PCMT1: variants seen among roughly 807,000 people sequenced by gnomAD.
PCMT1 encodes protein-L-isoaspartate(D-aspartate) O-methyltransferase.
PCMT1 carries 9 observed loss-of-function variants against 29.2 expected under a neutral mutation model. That is an observed-to-expected ratio of 0.31 (90% CI 0.19 to 0.54). PCMT1 has a LOEUF of 0.54. Ranked by LOEUF, PCMT1 falls within the 20% of genes least tolerant of loss-of-function variation. The pLI, the probability that PCMT1 is intolerant of heterozygous loss-of-function variation, is 0.95. For synonymous variants in PCMT1, 98 were observed against 97.5 expected (o/e 1.00, Z -0.03); for missense variants, 184 against 282.2 (o/e 0.65, Z 2.49).
At chr6:149,765,359 C>CAAAAAAAAA in intron 1 of PCMT1, among the ~76,000 whole-genome samples, 1 of 85,666 alleles carries the variant, frequency 1.2e-5, no homozygotes, top group South Asian at 4.1e-4. Context: ...GACTCTGTCT[C>CAAAAAAAAA]AAAAAAAAAA....
intron 7 of PCMT1, among the ~76,000 whole-genome samples, chr6:149,808,123 G>A: frequency 6.6e-6 from 1 of 151,392 alleles, no homozygotes. Flanking sequence ...ATTTATTCTT[G>A]GTAAAGAATG....
At chr6:149,806,304 G>A (rs6914319) in intron 7 of PCMT1, among the ~76,000 whole-genome samples, 81,042 of 151,888 alleles carry the variant, frequency 0.53, 24,808 homozygotes, top group East Asian at 0.83. Flanking sequence ...CATTGAAGTG[G>A]TCAGAATTAC....
At chr6:149,764,161 G>T (rs1478332375) in intron 1 of PCMT1, among the ~76,000 whole-genome samples, 1 of 152,226 alleles carries the variant, frequency 6.6e-6, no homozygotes, top group Non-Finnish European at 1.5e-5. Flanking sequence ...AAATGAATTA[G>T]TAGAACTCAC....
chr6:149,777,149 A>G (rs11965313), intron 3 of PCMT1, among the ~76,000 whole-genome samples: 3,672 of 152,310 alleles, frequency 0.024, 133 homozygotes, highest in African/African-American at 0.083. Context: ...AATGCATTTA[A>G]TATACTTAGC....
At chr6:149,806,693 G>T (rs553408936) in intron 7 of PCMT1, among the ~76,000 whole-genome samples, 5 of 152,172 alleles carry the variant, frequency 3.3e-5, no homozygotes, top group African/African-American at 1.2e-4. Flanking sequence ...GGGCTCAAGC[G>T]ATCCCCCCTG....
intron 3 of PCMT1, among the ~76,000 whole-genome samples, chr6:149,783,314 G>A (rs1324139485): frequency 6.6e-6 from 1 of 151,462 alleles, no homozygotes; most frequent in African/African-American, 2.4e-5. Context: ...TGTAGTTTTA[G>A]TAGAGACGGG....
chr6:149,785,436 T>A (rs1787990893), intron 3 of PCMT1, among the ~76,000 whole-genome samples: 1 of 151,330 alleles, frequency 6.6e-6, no homozygotes, highest in Non-Finnish European at 1.5e-5. Context: ...TATTGATCAT[T>A]CTTGGGTGTT....
At chr6:149,804,467 G>T (rs1446268664) in intron 7 of PCMT1, among the ~76,000 whole-genome samples, 1 of 152,050 alleles carries the variant, frequency 6.6e-6, no homozygotes, top group African/African-American at 2.4e-5. Context: ...CAGAGCCCTT[G>T]CTTGTCTAGG....
Position 149,799,858 on chromosome 6 carries a change from A to C in PCMT1, c.505-2342A>C, listed in dbSNP as rs1279676234. Among the ~76,000 whole-genome samples, 6 of 152,338 alleles carry C rather than the reference A, an allele frequency of 3.9e-5. No homozygotes were observed. In the East Asian group the frequency reaches 1.2e-3, roughly 29 times the overall value. ...TGGATACTTCTTGACTCAGCAGCAA[A>C]TCATAGTTACACAGTCATAACTAGA... is the stretch of plus-strand genomic sequence containing the variant. On this transcript the variant is annotated intron_variant, in intron 6 of 7. Coordinates refer to ENST00000464889, the MANE Select transcript of PCMT1 (RefSeq NM_001360452.2).
In PCMT1 at chr6:149,749,800, G is replaced by A. The variant is rs1158873819; in HGVS notation, c.-102G>A. ...CGGCAGCTACAGCGGGGACGCGAGC[G>A]GGGCGGTGACGGTGTGGGAGGTGGT... is the stretch of plus-strand genomic sequence containing the variant. On this transcript the variant is annotated 5_prime_UTR_variant, in exon 1 of 8. Transcript: ENST00000464889. The A allele has an allele frequency of 1.9e-6, 3 of 1,552,174 alleles. No individual in the cohort carries two copies. Among genetic ancestry groups the A allele is most frequent in the African/African-American group, 1.4e-5 (1 of 73,184 alleles).
intron 3 of PCMT1, among the ~76,000 whole-genome samples, chr6:149,785,899 G>GC (rs1401016052): frequency 6.8e-4 from 104 of 152,122 alleles, no homozygotes; most frequent in African/African-American, 2.0e-3. Context: ...TGTCATCCTG[G>GC]CCCGTTCTCA....
chr6:149,749,699 C>A (rs1187887682), upstream of PCMT1: 2 of 1,490,772 alleles, frequency 1.3e-6, no homozygotes, highest in Non-Finnish European at 1.8e-6. Flanking sequence ...AGCCGCGCGG[C>A]GTCACAGAGC....
chr6:149,766,184 T>C (rs1253936845), intron 1 of PCMT1, among the ~76,000 whole-genome samples: 1 of 152,140 alleles, frequency 6.6e-6, no homozygotes, highest in Non-Finnish European at 1.5e-5. Flanking sequence ...CTTATTTCTG[T>C]CTTTGCTATA....
chr6:149,789,069 T>G (rs1284982130), intron 3 of PCMT1, among the ~76,000 whole-genome samples: 2,834 of 69,550 alleles, frequency 0.041, 97 homozygotes, highest in African/African-American at 0.1. Flanking sequence ...GGATCTGATT[T>G]TTTTTTTTTT....
At chr6:149,805,581 G>C (rs544155176) in intron 7 of PCMT1, among the ~76,000 whole-genome samples, 2 of 151,740 alleles carry the variant, frequency 1.3e-5, no homozygotes, top group South Asian at 2.1e-4. Flanking sequence ...GCAACAGAGC[G>C]AGACTCCGTC....
intron 1 of PCMT1, among the ~76,000 whole-genome samples, chr6:149,758,042 C>T (rs981922856): frequency 1.3e-5 from 2 of 151,804 alleles, no homozygotes; most frequent in Non-Finnish European, 2.9e-5. Flanking sequence ...TGCCACCATA[C>T]CCAGCTAATT....
chr6:149,790,734 C>T (rs1005244295), intron 4 of PCMT1, among the ~76,000 whole-genome samples: 3 of 151,916 alleles, frequency 2.0e-5, no homozygotes, highest in Admixed American at 6.6e-5. Flanking sequence ...AGGGACCAGA[C>T]GCGGTGGCTC....
chr6:149,787,156 C>T (rs921858962), intron 3 of PCMT1, among the ~76,000 whole-genome samples: 31 of 147,036 alleles, frequency 2.1e-4, no homozygotes, highest in Admixed American at 2.7e-4. Flanking sequence ...CGCGCGCCTG[C>T]AATCGCAGGC....
At chr6:149,760,062 C>G (rs1786675666) in intron 1 of PCMT1, among the ~76,000 whole-genome samples, 1 of 152,154 alleles carries the variant, frequency 6.6e-6, no homozygotes, top group African/African-American at 2.4e-5. Flanking sequence ...TCATACTTTT[C>G]ATTTTCCCTC....
Sources: allele counts gnomAD v4.1 joint callset (sites outside exome capture counted in the v4.1 genomes callset), GRCh38; gene constraint gnomAD v4.1.1; transcripts MANE v1.5; gene names NCBI Gene and HGNC (gene_info 2026-07-23, HGNC 2026-07-21).